PARD3B: variants seen among roughly 807,000 people sequenced by gnomAD.
The protein encoded by PARD3B is partitioning defective 3 homolog B.
PARD3B carries 103 observed loss-of-function variants against 130.2 expected under a neutral mutation model. The ratio of observed to expected loss-of-function variants is 0.79; its 90% confidence interval spans 0.67 to 0.93. PARD3B has a LOEUF of 0.93. Among genes scored for constraint, PARD3B ranks in the 40% least tolerant of loss-of-function variants. The pLI is 0.00. For synonymous variants in PARD3B, 583 were observed against 553.2 expected, an observed-to-expected ratio of 1.05 and a Z score of -0.76; for missense variants, 1,609 against 1,499.2, an observed-to-expected ratio of 1.07 and a Z score of -1.21.
At chr2:205,014,675 AG>A (rs2125316887) in intron 3 of PARD3B, among the ~76,000 whole-genome samples, 1 of 152,318 alleles carries the variant, frequency 6.6e-6, no homozygotes, top group South Asian at 2.1e-4. Flanking sequence ...TGTGCTAGAG[AG>A]TATAGCACAG....
At chr2:204,787,564 A>G (rs1204578477) in intron 2 of PARD3B, among the ~76,000 whole-genome samples, 2 of 152,178 alleles carry the variant, frequency 1.3e-5, no homozygotes. Flanking sequence ...ACATGATACT[A>G]GCAAAGGTAG....
chr2:205,445,967 C>G (rs1259169080), intron 20 of PARD3B, among the ~76,000 whole-genome samples: 1 of 152,154 alleles, frequency 6.6e-6, no homozygotes. Flanking sequence ...GACTATGCTG[C>G]CTTCATTATG....
intron 2 of PARD3B, among the ~76,000 whole-genome samples, chr2:204,797,429 A>G (rs537263670): frequency 6.6e-6 from 1 of 152,314 alleles, no homozygotes; most frequent in East Asian, 1.9e-4. Context: ...AATCAGTTCA[A>G]AAACATTTTG....
chr2:205,272,659 A>C (rs189171659), intron 16 of PARD3B, among the ~76,000 whole-genome samples: 10 of 152,282 alleles, frequency 6.6e-5, no homozygotes, highest in Middle Eastern at 3.4e-3. Flanking sequence ...CTCCATCCAT[A>C]CCGTGTAGCT....
intron 19 of PARD3B, among the ~76,000 whole-genome samples, chr2:205,401,677 T>G (rs2046257692): frequency 6.6e-6 from 1 of 152,230 alleles, no homozygotes; most frequent in Non-Finnish European, 1.5e-5. Context: ...AGCTGAATTC[T>G]CCTGCTTGAG....
intron 4 of PARD3B, among the ~76,000 whole-genome samples, chr2:205,082,050 C>T (rs1039294585): frequency 6.6e-6 from 1 of 152,062 alleles, no homozygotes; most frequent in African/African-American, 2.4e-5. Flanking sequence ...TCTTCATTTG[C>T]TATAGAGCCC....
rs187129779 is a variant in PARD3B at position 205,460,588 on chromosome 2, T to G, written c.3044+19916T>G. On this transcript the variant is annotated intron_variant, in intron 20 of 22. Transcript: ENST00000406610. The surrounding 1 kb of genome is among the most constrained non-coding windows in gnomAD (Gnocchi z 4.9). Reference sequence around the variant, plus strand: ...CTCCTAGTGGTCATTAACATAGAGTTTGAAGCTGGGCATAAATCCTAGGTA... The same window carrying G: ...CTCCTAGTGGTCATTAACATAGAGTGTGAAGCTGGGCATAAATCCTAGGTA... Among the ~76,000 whole-genome samples, 1 of 152,304 alleles carries G rather than the reference T, an allele frequency of 6.6e-6. No individual in the cohort carries two copies. Among genetic ancestry groups the G allele is most frequent in the East Asian group, 1.9e-4 (1 of 5,192 alleles).
At chr2:204,821,305 G>A (rs966757182) in intron 2 of PARD3B, among the ~76,000 whole-genome samples, 1 of 152,040 alleles carries the variant, frequency 6.6e-6, no homozygotes, top group African/African-American at 2.4e-5. Flanking sequence ...CAACCCAAAT[G>A]TCCAACAATG....
chr2:205,113,430 G>A (rs1347389412), intron 5 of PARD3B, 61 bp from the exon 6 acceptor site: 1 of 996,816 alleles, frequency 1.0e-6, no homozygotes, highest in Non-Finnish European at 1.6e-6. Flanking sequence ...GTGTATTTTA[G>A]ATGTGCTCCC....
At chr2:204,964,051 C>T (rs558597937) in intron 2 of PARD3B, among the ~76,000 whole-genome samples, 1 of 152,276 alleles carries the variant, frequency 6.6e-6, no homozygotes, top group East Asian at 1.9e-4. Context: ...AACAGGGTTC[C>T]CCTATGACTG....
intron 1 of PARD3B, among the ~76,000 whole-genome samples, chr2:204,657,772 A>G (rs1179481840): frequency 6.6e-6 from 1 of 152,236 alleles, no homozygotes; most frequent in Admixed American, 6.5e-5. Context: ...AATTTTAAAT[A>G]GTATGTATGA....
intron 3 of PARD3B, among the ~76,000 whole-genome samples, chr2:205,026,778 C>G (rs1697065036): frequency 6.6e-6 from 1 of 152,126 alleles, no homozygotes; most frequent in African/African-American, 2.4e-5. Flanking sequence ...ATGAGATACT[C>G]TTTGTCTTTT....
At chr2:204,595,897 A>T (rs1437009606) in intron 1 of PARD3B, among the ~76,000 whole-genome samples, 1 of 152,238 alleles carries the variant, frequency 6.6e-6, no homozygotes, top group East Asian at 1.9e-4. Flanking sequence ...TGAAACAAAG[A>T]AGTAGAATTT....
intron 19 of PARD3B, among the ~76,000 whole-genome samples, chr2:205,408,815 T>C (rs921403418): frequency 2.0e-5 from 3 of 152,160 alleles, no homozygotes; most frequent in Non-Finnish European, 4.4e-5. Context: ...TCCCTATCTT[T>C]TGCAGTAGAA....
At chr2:204,784,161 A>G (rs887003729) in intron 2 of PARD3B, among the ~76,000 whole-genome samples, 3 of 152,164 alleles carry the variant, frequency 2.0e-5, no homozygotes, top group African/African-American at 4.8e-5. Context: ...GGAGTAGTAA[A>G]TAAAGTGTGA....
intron 2 of PARD3B, among the ~76,000 whole-genome samples, chr2:204,821,672 A>G (rs1250013890): frequency 1.3e-5 from 2 of 152,016 alleles, no homozygotes; most frequent in Non-Finnish European, 2.9e-5. Context: ...GTACACATGT[A>G]CCCTAAAACT....
chr2:204,715,525 G>A (rs1264709102), intron 2 of PARD3B, among the ~76,000 whole-genome samples: 1 of 149,184 alleles, frequency 6.7e-6, no homozygotes, highest in African/African-American at 2.5e-5. Context: ...ATGCAACTGA[G>A]TGTTTCTGGC....
chr2:204,603,214 T>G (rs1428070058), intron 1 of PARD3B, among the ~76,000 whole-genome samples: 1 of 152,132 alleles, frequency 6.6e-6, no homozygotes, highest in African/African-American at 2.4e-5. Flanking sequence ...CTTTTATGCC[T>G]TTTTTACTCC....
intron 22 of PARD3B, among the ~76,000 whole-genome samples, chr2:205,582,342 A>T (rs1266638836): frequency 6.6e-6 from 1 of 152,220 alleles, no homozygotes; most frequent in African/African-American, 2.4e-5. Context: ...AACGAACGGA[A>T]ACAGAATGAA....
Sources: allele counts gnomAD v4.1 joint callset (sites outside exome capture counted in the v4.1 genomes callset), GRCh38; gene constraint gnomAD v4.1.1; non-coding constraint Gnocchi (gnomAD v3.1); transcripts MANE v1.5; gene names NCBI Gene and HGNC (gene_info 2026-07-23, HGNC 2026-07-21).